RNF144A: variants seen among roughly 807,000 people sequenced by gnomAD.
RNF144A encodes the protein E3 ubiquitin-protein ligase RNF144A.
In RNF144A, 11 loss-of-function variants were observed where a neutral mutation model predicts 38.7. The ratio of observed to expected loss-of-function variants is 0.28; its 90% CI spans 0.18 to 0.47. RNF144A has a LOEUF of 0.47. Among genes scored for constraint, RNF144A ranks in the 20% least tolerant of loss-of-function variants. RNF144A has a pLI of 0.99. For synonymous variants in RNF144A, 149 were observed against 143.9 expected (o/e 1.04, Z -0.25); for missense variants, 316 against 377.2 (o/e 0.84, Z 1.34).
intron 2 of RNF144A, among the ~76,000 whole-genome samples, chr2:6,988,476 A>G (rs1373233094): frequency 6.6e-6 from 1 of 152,198 alleles, no homozygotes; most frequent in Non-Finnish European, 1.5e-5. Context: ...GGAATTTTAT[A>G]GAATATTCTT....
chr2:6,932,964 C>T (rs970889059), intron 1 of RNF144A: 3 of 152,184 alleles, frequency 2.0e-5, no homozygotes, highest in Non-Finnish European at 4.4e-5. Flanking sequence ...TATTAGTATA[C>T]GATGCATGCA....
At chr2:7,067,111 G>A (rs981726917) in intron 6 of RNF144A, among the ~76,000 whole-genome samples, 3 of 152,198 alleles carry the variant, frequency 2.0e-5, no homozygotes, top group Admixed American at 6.5e-5. Context: ...TTATGTTTCA[G>A]AAGAAAACTA....
Position 7,040,830 on chromosome 2 carries a change from T to C in RNF144A, c.*1070T>C, listed in dbSNP as rs1673002384. On this transcript the variant is annotated 3_prime_UTR_variant, in exon 9 of 9. Coordinates refer to ENST00000320892, the MANE Select transcript of RNF144A (RefSeq NM_014746.6). ...GTTCTAGTCATTTTGAGAAATCATA[T>C]ATCTTACACAGTTCCAAGTCCTGTT... 1.0e-6 allele frequency: 1 copy of C among 985,484 alleles called. No individual in the cohort carries two copies. Among genetic ancestry groups the C allele is most frequent in the African/African-American group, 1.7e-5 (1 of 57,386 alleles). The allele number at this position is 985,484 out of a possible 1,614,324, so 61.0% of individuals were successfully genotyped here. A position where few individuals can be genotyped will look rare whatever the true frequency, so the allele number is the denominator to read the frequency against.
chr2:7,030,256 ACTGTGTGTGT>A (rs1672201765), intron 8 of RNF144A, 41 bp downstream of exon 8: 2 of 1,067,684 alleles, frequency 1.9e-6, no homozygotes, highest in Non-Finnish European at 2.8e-6. Context: ...TCAGAGAGAG[ACTGTGTGTGT>A]GTGTGTGTGT....
chr2:7,068,596 C>T (rs763497150), downstream of RNF144A, among the ~76,000 whole-genome samples: 15 of 152,124 alleles, frequency 9.9e-5, no homozygotes, highest in Non-Finnish European at 1.9e-4. Context: ...ACTGCACTGG[C>T]GAATCCGAGT....
At chr2:7,046,689 C>T (rs983363575), downstream of RNF144A, among the ~76,000 whole-genome samples, 11 of 152,202 alleles carry the variant, frequency 7.2e-5, no homozygotes, top group African/African-American at 1.9e-4. Context: ...ACCTGAGAAA[C>T]GAACAGCTCA....
chr2:6,936,642 T>C (rs1354624187), intron 1 of RNF144A, among the ~76,000 whole-genome samples: 1 of 152,228 alleles, frequency 6.6e-6, no homozygotes, highest in African/African-American at 2.4e-5. Flanking sequence ...ATGTCTTTAA[T>C]GTATGTTTTT....
chr2:6,998,670 T>G (rs1215813938), intron 3 of RNF144A, among the ~76,000 whole-genome samples: 1 of 152,202 alleles, frequency 6.6e-6, no homozygotes, highest in African/African-American at 2.4e-5. Flanking sequence ...GGAAAGGAAG[T>G]TGCTTTTGAC....
In RNF144A at chr2:6,941,772, C is replaced by T. The variant is rs148247630; in HGVS notation, c.-12+625C>T. 2.8e-4 allele frequency among the ~76,000 whole-genome samples: 43 copies of T among 152,338 alleles called. No individual in the cohort carries two copies. Among genetic ancestry groups the T allele is most frequent in the Middle Eastern group, 3.4e-3 (1 of 292 alleles). ...AAATTGAACATGCACTTTAAGGAGG[C>T]GCAGTAACTAGCCACTTAGCATCTG... On this transcript the variant is annotated intron_variant, in intron 2 of 8. Transcript: ENST00000320892. This position sits in a 1 kb window ranked among gnomAD's most constrained non-coding sequence, Gnocchi z 6.5.
At chr2:7,022,551 A>G (rs1671602492) in intron 6 of RNF144A, among the ~76,000 whole-genome samples, 2 of 152,254 alleles carry the variant, frequency 1.3e-5, no homozygotes, top group Admixed American at 1.3e-4. Context: ...ATGTCTCCCC[A>G]GGAGACACTG....
At chr2:7,069,463 C>A (rs1373717361), downstream of RNF144A, among the ~76,000 whole-genome samples, 1 of 152,046 alleles carries the variant, frequency 6.6e-6, no homozygotes, top group Admixed American at 6.6e-5. Flanking sequence ...GCTTCAATAC[C>A]TTCATTTCCT....
intron 2 of RNF144A, among the ~76,000 whole-genome samples, chr2:6,985,429 C>G (rs1668890239): frequency 6.6e-6 from 1 of 152,054 alleles, no homozygotes; most frequent in Non-Finnish European, 1.5e-5. Flanking sequence ...GTATTTAGAA[C>G]TTCCTAGGAA....
At chr2:7,032,351 C>T (rs969620190) in intron 8 of RNF144A, among the ~76,000 whole-genome samples, 1 of 149,548 alleles carries the variant, frequency 6.7e-6, no homozygotes, top group Non-Finnish European at 1.5e-5. Flanking sequence ...TGCTGGAATC[C>T]GCGCCCCTTG....
chr2:6,927,693 G>A (rs1664965255), intron 1 of RNF144A, among the ~76,000 whole-genome samples: 1 of 152,142 alleles, frequency 6.6e-6, no homozygotes, highest in Non-Finnish European at 1.5e-5. Flanking sequence ...GTGGGTTTTG[G>A]GTGTGAAAAA....
At chr2:6,965,063 A>C (rs1409154462) in intron 2 of RNF144A, among the ~76,000 whole-genome samples, 1 of 152,180 alleles carries the variant, frequency 6.6e-6, no homozygotes, top group East Asian at 1.9e-4. Flanking sequence ...CACACAGAGG[A>C]GTTCTGCCTG....
chr2:7,036,688 GA>G (rs1672702589), intron 8 of RNF144A, among the ~76,000 whole-genome samples: 1 of 152,218 alleles, frequency 6.6e-6, no homozygotes, highest in South Asian at 2.1e-4. Flanking sequence ...GATCAAATAT[GA>G]TACTGTGATT....
chr2:6,990,468 C>A (rs1669278304), intron 2 of RNF144A, among the ~76,000 whole-genome samples: 1 of 128,088 alleles, frequency 7.8e-6, no homozygotes, highest in South Asian at 2.5e-4. Context: ...TATAATATAA[C>A]ATATAATATA....
At chr2:7,051,506 T>C (rs1004288181) in intron 6 of RNF144A, among the ~76,000 whole-genome samples, 1 of 151,994 alleles carries the variant, frequency 6.6e-6, no homozygotes, top group Admixed American at 6.6e-5. Context: ...GGCCAGGACA[T>C]GAGGTTAGGA....
chr2:7,024,514 G>A lies in RNF144A; in HGVS notation c.655G>A (p.Asp219Asn). The A allele has an allele frequency of 6.2e-7, 1 of 1,604,680 alleles. No individual in the cohort carries two copies. Among genetic ancestry groups the A allele is most frequent in the Non-Finnish European group, 8.5e-7 (1 of 1,172,148 alleles). Residue 219 changes from aspartate to asparagine, a missense_variant and splice_region_variant, in exon 7 of 9, where the codon GAC becomes AAC. Physicochemically the swap from Asp to Asn is conservative, Grantham distance 23 (BLOSUM62 1). Transcript: ENST00000320892. ...CTGCTGGTACTGCCTGGAGTCTCTGGACGTGAGTACGGCCTTCAGCTTCAC... is the reference window on the plus strand; with the variant it reads ...CTGCTGGTACTGCCTGGAGTCTCTGAACGTGAGTACGGCCTTCAGCTTCAC... ...AFCWYCLESL[D>N]DDFLLIHYDK...
Sources: allele counts gnomAD v4.1 joint callset (sites outside exome capture counted in the v4.1 genomes callset), GRCh38; gene constraint gnomAD v4.1.1; non-coding constraint Gnocchi (gnomAD v3.1); transcripts MANE v1.5; gene names NCBI Gene and HGNC (gene_info 2026-07-23, HGNC 2026-07-21).